The following CCDC149 variants were observed in gnomAD, a reference collection of about 807,000 sequenced individuals.
CCDC149 encodes coiled-coil domain-containing protein 149.
Under a neutral mutation model 59.9 loss-of-function variants are expected in CCDC149, and 45 were observed. The observed-to-expected ratio is 0.75, with a 90% confidence interval of 0.59 to 0.96. The LOEUF is 0.96. CCDC149 is among the 40% of genes least tolerant of loss of function. The pLI, the probability that CCDC149 is intolerant of heterozygous loss-of-function variation, is 0.00. For missense variants in CCDC149, 584 were observed against 664.7 expected (o/e 0.88, Z 1.33); for synonymous variants, 245 against 260.6 (o/e 0.94, Z 0.58).
intron 1 of CCDC149, among the ~76,000 whole-genome samples, chr4:24,972,738 T>G (rs1335649321): frequency 6.6e-6 from 1 of 152,126 alleles, no homozygotes. Context: ...TGGCATAACA[T>G]CACATGACAG....
intron 4 of CCDC149, among the ~76,000 whole-genome samples, chr4:24,844,759 G>A (rs1322799506): frequency 6.6e-6 from 1 of 151,966 alleles, no homozygotes; most frequent in Non-Finnish European, 1.5e-5. Context: ...ATGACAGGGC[G>A]AGACTCCATC....
intron 8 of CCDC149, 61 bp downstream of exon 8, chr4:24,834,887 G>C: frequency 7.9e-7 from 1 of 1,268,400 alleles, no homozygotes; most frequent in Non-Finnish European, 1.1e-6. Flanking sequence ...GATGGGATGT[G>C]GGCTTGCAGC....
At chr4:24,923,634 C>T (rs981384275) in intron 1 of CCDC149, among the ~76,000 whole-genome samples, 2 of 152,056 alleles carry the variant, frequency 1.3e-5, no homozygotes, top group African/African-American at 4.8e-5. Context: ...AACAAAAGAA[C>T]TTGAATGAAG....
chr4:24,813,531 A>T (rs1198070190), intron 12 of CCDC149, among the ~76,000 whole-genome samples: 2 of 116,944 alleles, frequency 1.7e-5, no homozygotes, highest in Admixed American at 7.8e-5. Context: ...TATATATAAA[A>T]CCTAAAAAGG....
chr4:24,822,132 C>T (rs1481445398), intron 10 of CCDC149, among the ~76,000 whole-genome samples: 2 of 151,810 alleles, frequency 1.3e-5, no homozygotes, highest in African/African-American at 2.4e-5. Flanking sequence ...TGAAATTGAA[C>T]AAATTGAATG....
intron 9 of CCDC149, 30 bp downstream of exon 9, chr4:24,831,476 A>AC (rs1716142170): frequency 1.9e-6 from 3 of 1,608,724 alleles, no homozygotes; most frequent in Non-Finnish European, 8.5e-7. Flanking sequence ...CTTCGCGCCC[A>AC]CCCCCCAACA....
At chr4:24,879,764 C>T (rs1329210325) in intron 1 of CCDC149, among the ~76,000 whole-genome samples, 1 of 152,060 alleles carries the variant, frequency 6.6e-6, no homozygotes, top group Non-Finnish European at 1.5e-5. Flanking sequence ...ATGCAGACTC[C>T]TGGGCTCCAG....
chr4:24,966,445 C>T (rs1723807081), intron 1 of CCDC149, among the ~76,000 whole-genome samples: 1 of 151,938 alleles, frequency 6.6e-6, no homozygotes, highest in African/African-American at 2.4e-5. Context: ...ATATAGGGCA[C>T]CACATACATG....
chr4:24,964,763 A>G (rs529160174), intron 1 of CCDC149, among the ~76,000 whole-genome samples: 41 of 152,368 alleles, frequency 2.7e-4, no homozygotes, highest in African/African-American at 9.1e-4. Context: ...AACCCAAAGA[A>G]ATTCATGCCA....
At chr4:24,912,629 C>A (rs962034172) in intron 1 of CCDC149, among the ~76,000 whole-genome samples, 188 bp downstream of exon 1, 18 of 152,168 alleles carry the variant, frequency 1.2e-4, no homozygotes, top group African/African-American at 4.8e-5. Context: ...GAAAGTGGCG[C>A]CCGCGCAGAC....
chr4:24,912,804 G>A lies in CCDC149; in HGVS notation c.63+13C>T. 2 of 1,322,562 alleles carry A rather than the reference G, an allele frequency of 1.5e-6. No homozygotes were observed. Among genetic ancestry groups the A allele is most frequent in the African/African-American group, 1.5e-5 (1 of 65,122 alleles). The allele number at this position is 1,322,562 out of a possible 1,614,324, so 81.9% of individuals were successfully genotyped here. A position where few individuals can be genotyped will look rare whatever the true frequency, so the allele number is the denominator to read the frequency against. Reference sequence around the variant, plus strand: ...GCCCGGCCCATCCCGCCTGGCCGGCGCCGCGGCCTCACCTCGCTCACCAGC... The same window carrying A: ...GCCCGGCCCATCCCGCCTGGCCGGCACCGCGGCCTCACCTCGCTCACCAGC... On this transcript the variant is annotated intron_variant, in intron 1 of 12. Coordinates refer to ENST00000635206, the MANE Select transcript of CCDC149 (RefSeq NM_001330643.2).
At chr4:24,961,397 T>C (rs982757587) in intron 1 of CCDC149, among the ~76,000 whole-genome samples, 1 of 152,236 alleles carries the variant, frequency 6.6e-6, no homozygotes, top group African/African-American at 2.4e-5. Context: ...AGGTAATTTA[T>C]AGATTCAATG....
intron 1 of CCDC149, among the ~76,000 whole-genome samples, chr4:24,936,124 T>G (rs544755286): frequency 6.6e-6 from 1 of 152,128 alleles, no homozygotes; most frequent in African/African-American, 2.4e-5. Context: ...GCAAGTTCAG[T>G]GGAGTAGTAG....
chr4:24,874,273 TTG>T (rs201405568), intron 2 of CCDC149, among the ~76,000 whole-genome samples: 720 of 43,752 alleles, frequency 0.016, 52 homozygotes, highest in Middle Eastern at 0.054. Flanking sequence ...TTGTTTTTTT[TTG>T]TTTTTTTGCC....
Position 24,838,204 on chromosome 4 carries a change from G to C in CCDC149, c.441C>G (p.Ala147=). 3.1e-6 allele frequency: 5 copies of C among 1,614,138 alleles called. No individual in the cohort carries two copies. The South Asian group carries it at 5.5e-5, about 18-fold the overall frequency. The stretch of plus-strand genomic sequence containing the variant: ...GCTGCACCAAGTCTTCACGCTCATG[G>C]GCTGCAAAGTGTCGCACGCCGATTG... Residue 147 remains alanine (A), a synonymous_variant, in exon 5 of 13, where the codon GCC becomes GCG. Coordinates refer to ENST00000635206, the MANE Select transcript of CCDC149 (RefSeq NM_001330643.2).
chr4:24,974,068 G>A (rs754113511), intron 1 of CCDC149, among the ~76,000 whole-genome samples: 1 of 152,196 alleles, frequency 6.6e-6, no homozygotes, highest in African/African-American at 2.4e-5. Context: ...ATAAACAAAC[G>A]CCTGGAACAA....
chr4:24,880,488 G>A (rs1475852627), intron 1 of CCDC149, among the ~76,000 whole-genome samples: 2 of 152,264 alleles, frequency 1.3e-5, no homozygotes, highest in Non-Finnish European at 2.9e-5. Context: ...AGAAGGGAGT[G>A]TTGGAGAATG....
intron 11 of CCDC149, 78 bp from the exon 12 acceptor site, chr4:24,820,053 G>A (rs901699790): frequency 2.4e-5 from 25 of 1,033,734 alleles, no homozygotes; most frequent in East Asian, 1.0e-4. Context: ...ACACTTAATC[G>A]GCACAGGGCT....
intron 1 of CCDC149, among the ~76,000 whole-genome samples, chr4:24,945,723 G>A (rs1439787136): frequency 6.6e-6 from 1 of 151,522 alleles, no homozygotes; most frequent in African/African-American, 2.4e-5. Flanking sequence ...CCAGGTTCAA[G>A]CGATTCTCCT....
Sources: allele counts gnomAD v4.1 joint callset (sites outside exome capture counted in the v4.1 genomes callset), GRCh38; gene constraint gnomAD v4.1.1; transcripts MANE v1.5; gene names NCBI Gene and HGNC (gene_info 2026-07-23, HGNC 2026-07-21).